The following DLC1 variants were observed in gnomAD, a reference collection of about 807,000 sequenced individuals.
DLC1 encodes DLC1 Rho GTPase activating protein, also known as rho GTPase-activating protein 7.
DLC1 carries 54 observed loss-of-function variants against 140.3 expected under a neutral mutation model. That is an observed-to-expected ratio of 0.38 (90% CI 0.31 to 0.48). DLC1 has a LOEUF of 0.48. Among genes scored for constraint, DLC1 ranks in the 20% least tolerant of loss-of-function variants. DLC1 has a pLI of 0.96. For synonymous variants in DLC1, 986 were observed against 728.1 expected (o/e 1.35, Z -5.70); for missense variants, 2,536 against 1,907.0 (o/e 1.33, Z -6.14).
chr8:13,190,208 A>G (rs1020509998), intron 5 of DLC1, among the ~76,000 whole-genome samples: 1 of 152,130 alleles, frequency 6.6e-6, no homozygotes, highest in Non-Finnish European at 1.5e-5. Flanking sequence ...TGTATTTTAC[A>G]CTTTATCCAA....
intron 5 of DLC1, among the ~76,000 whole-genome samples, chr8:13,254,750 CA>C (rs1830147393): frequency 6.6e-6 from 1 of 151,434 alleles, no homozygotes; most frequent in Admixed American, 6.6e-5. Context: ...CTGACTTACT[CA>C]ATAGATAAAA....
At chr8:13,129,160 G>T (rs943509642) in intron 5 of DLC1, among the ~76,000 whole-genome samples, 36 of 152,156 alleles carry the variant, frequency 2.4e-4, no homozygotes, top group Admixed American at 9.8e-4. Context: ...CGCTGATGGC[G>T]CTCATTCAAC....
intron 4 of DLC1, among the ~76,000 whole-genome samples, chr8:13,345,656 C>G (rs1834301519): frequency 6.8e-6 from 1 of 146,886 alleles, no homozygotes; most frequent in Non-Finnish European, 1.5e-5. Flanking sequence ...CTCCCGGCTT[C>G]AAGCGGTCCT....
At chr8:13,426,854 C>T (rs963346802) in intron 2 of DLC1, among the ~76,000 whole-genome samples, 2 of 152,092 alleles carry the variant, frequency 1.3e-5, no homozygotes, top group African/African-American at 4.8e-5. Flanking sequence ...CCAGTTTTTG[C>T]TGCAATCATT....
chr8:13,216,255 C>G (rs1339472481), intron 5 of DLC1, among the ~76,000 whole-genome samples: 1 of 152,160 alleles, frequency 6.6e-6, no homozygotes, highest in Non-Finnish European at 1.5e-5. Flanking sequence ...ATTTGATACT[C>G]AAAACTTAGA....
At chr8:13,600,868 A>AATGT (rs1157330469) in intron 1 of DLC1, among the ~76,000 whole-genome samples, 1 of 151,848 alleles carries the variant, frequency 6.6e-6, no homozygotes, top group African/African-American at 2.4e-5. Flanking sequence ...GCCTATTGGT[A>AATGT]ATGTACAGTC....
chr8:13,564,611 C>T (rs1804363967), intron 1 of DLC1, among the ~76,000 whole-genome samples: 2 of 152,272 alleles, frequency 1.3e-5, no homozygotes, highest in South Asian at 4.1e-4. Flanking sequence ...GGGAGAATTG[C>T]TTGCCAGAGT....
intron 4 of DLC1, among the ~76,000 whole-genome samples, chr8:13,354,375 A>T (rs1472080021): frequency 6.6e-6 from 1 of 152,126 alleles, no homozygotes. Context: ...AGGGAATGAG[A>T]CTATCCTCCT....
At chr8:13,543,434 A>G (rs576452359) in intron 1 of DLC1, among the ~76,000 whole-genome samples, 36 of 152,266 alleles carry the variant, frequency 2.4e-4, no homozygotes, top group Non-Finnish European at 4.6e-4. Context: ...CTTTGGGTAA[A>G]TATCCAGTAG....
At chr8:13,338,181 C>G (rs981962766) in intron 4 of DLC1, among the ~76,000 whole-genome samples, 2 of 152,152 alleles carry the variant, frequency 1.3e-5, no homozygotes, top group South Asian at 2.1e-4. Flanking sequence ...TGTTCTTTCC[C>G]TTAGAATCCA....
At position 13,327,950 on chromosome 8, in the gene DLC1, G is replaced by T. The variant is rs533695677; in HGVS notation, c.1315-22648C>A. Among the ~76,000 whole-genome samples, 461 of 152,322 alleles carry T rather than the reference G, an allele frequency of 3.0e-3. 5 individuals are homozygous for T. The highest frequency in any genetic ancestry group is 5.2e-3 in the Non-Finnish European group (355 of 68,034). Reference sequence around the variant, plus strand: ...TGAACAAGGCAAAGTATAGGTGGAAGAGCACTCCTCAGACTGGGAACTACA... The same window carrying T: ...TGAACAAGGCAAAGTATAGGTGGAATAGCACTCCTCAGACTGGGAACTACA... On this transcript the variant is annotated intron_variant, in intron 4 of 17. Coordinates refer to ENST00000276297, the MANE Select transcript of DLC1 (RefSeq NM_182643.3).
intron 5 of DLC1, among the ~76,000 whole-genome samples, chr8:13,256,702 A>G (rs1830242478): frequency 6.6e-6 from 1 of 152,136 alleles, no homozygotes; most frequent in Admixed American, 6.5e-5. Flanking sequence ...GGAGGGGAAC[A>G]TCACACACTG....
At chr8:13,446,106 A>G (rs1057429646) in intron 2 of DLC1, among the ~76,000 whole-genome samples, 4 of 152,144 alleles carry the variant, frequency 2.6e-5, no homozygotes, top group Admixed American at 6.6e-5. Context: ...TTTCAGAAAA[A>G]TCACATCAAG....
At chr8:13,305,091 C>T in intron 5 of DLC1, 178 bp downstream of exon 5, 1 of 1,273,444 alleles carries the variant, frequency 7.9e-7, no homozygotes, top group Non-Finnish European at 1.0e-6. Flanking sequence ...TGTCAGAAAA[C>T]CACGTATATT....
chr8:13,364,168 A>G (rs1835373942), intron 4 of DLC1, among the ~76,000 whole-genome samples: 1 of 152,178 alleles, frequency 6.6e-6, no homozygotes, highest in African/African-American at 2.4e-5. Flanking sequence ...TCTTGTCCAG[A>G]TTCTTCAGTA....
chr8:13,085,700 C>T lies in DLC1; in HGVS notation c.*111G>A. On this transcript the variant is annotated 3_prime_UTR_variant, in exon 18 of 18. Coordinates refer to ENST00000276297, the MANE Select transcript of DLC1 (RefSeq NM_182643.3). ...GCTATAGTCAATTCCTACACTCCAGCTTGTAGTTTTCTTTGTTTCAGGATT... is the reference window on the plus strand; with the variant it reads ...GCTATAGTCAATTCCTACACTCCAGTTTGTAGTTTTCTTTGTTTCAGGATT... 1 of 1,503,176 alleles carries T rather than the reference C, an allele frequency of 6.7e-7. No individual in the cohort carries two copies. The highest frequency in any genetic ancestry group is 9.0e-7 in the Non-Finnish European group (1 of 1,117,158). The allele number at this position is 1,503,176 out of a possible 1,614,324, so 93.1% of individuals were successfully genotyped here. A position where few individuals can be genotyped will look rare whatever the true frequency, so the allele number is the denominator to read the frequency against.
chr8:13,153,246 G>T (rs13248806), intron 5 of DLC1, among the ~76,000 whole-genome samples: 51,196 of 151,956 alleles, frequency 0.34, 9,865 homozygotes, highest in East Asian at 0.54. Context: ...GGCTTCTGGA[G>T]TGAAGCTGCT....
intron 5 of DLC1, among the ~76,000 whole-genome samples, chr8:13,170,254 G>A (rs1000982011): frequency 2.6e-5 from 4 of 152,136 alleles, no homozygotes; most frequent in African/African-American, 9.7e-5. Context: ...TATTTGAAGA[G>A]CCAAAGAGTT....
chr8:13,578,333 A>T (rs762075722), intron 1 of DLC1, among the ~76,000 whole-genome samples: 2 of 152,174 alleles, frequency 1.3e-5, no homozygotes, highest in Non-Finnish European at 2.9e-5. Context: ...GGAAAAAACA[A>T]ACTGTGTTTT....
Sources: allele counts gnomAD v4.1 joint callset (sites outside exome capture counted in the v4.1 genomes callset), GRCh38; gene constraint gnomAD v4.1.1; transcripts MANE v1.5; gene names NCBI Gene and HGNC (gene_info 2026-07-23, HGNC 2026-07-21).